Variants in TANGO6 observed in about 807,000 individuals in gnomAD.
The protein encoded by TANGO6 is transport and golgi organization 6 homolog.
A neutral mutation model predicts 114.2 loss-of-function variants in TANGO6; 90 were observed. The observed-to-expected ratio is 0.79, with a 90% confidence interval of 0.66 to 0.94. TANGO6 has a LOEUF of 0.94. TANGO6 is among the 40% of genes least tolerant of loss of function. TANGO6 has a pLI of 0.00. For synonymous variants in TANGO6, 477 were observed against 509.8 expected (o/e 0.94, Z 0.87); for missense variants, 1,274 against 1,315.3 (o/e 0.97, Z 0.49).
At chr16:68,978,122 G>C (rs1173833048) in intron 15 of TANGO6, among the ~76,000 whole-genome samples, 1 of 152,194 alleles carries the variant, frequency 6.6e-6, no homozygotes, top group East Asian at 1.9e-4. Flanking sequence ...TAGTAGGTGT[G>C]AAGGGTGTAC....
chr16:68,964,445 G>A (rs1352466001), intron 14 of TANGO6, among the ~76,000 whole-genome samples: 2 of 151,754 alleles, frequency 1.3e-5, no homozygotes, highest in Admixed American at 6.6e-5. Flanking sequence ...TTCAATGAGT[G>A]TATATTTCCC....
chr16:68,875,212 C>T lies in TANGO6; in HGVS notation c.1053C>T (p.Asp351=). The change falls in exon 5 of 18, where the codon GAC becomes GAT. Residue 351 remains aspartate, a synonymous_variant. Coordinates refer to ENST00000261778, the MANE Select transcript of TANGO6 (RefSeq NM_024562.2). ...EVTAADWKKC[D]LIAKILASCP... is the part of the protein sequence containing the mutation. ...CGGCTGCTGACTGGAAGAAGTGTGA[C>T]CTGATCGCAAAGATTTTGGCCTCTT... 11 of 1,613,680 alleles carry T rather than the reference C, an allele frequency of 6.8e-6. No homozygotes were observed. The highest frequency in any genetic ancestry group is 9.3e-6 in the Non-Finnish European group (11 of 1,179,746).
intron 14 of TANGO6, among the ~76,000 whole-genome samples, chr16:68,970,193 G>A (rs545522193): frequency 6.6e-6 from 1 of 152,146 alleles, no homozygotes. Flanking sequence ...AGTAAGAAAG[G>A]GATATTTCTC....
chr16:69,061,315 A>G (rs1488374643), intron 17 of TANGO6, among the ~76,000 whole-genome samples: 1 of 152,206 alleles, frequency 6.6e-6, no homozygotes, highest in African/African-American at 2.4e-5. Context: ...CTGTAATCCC[A>G]GCACTTTGGG....
intron 10 of TANGO6, among the ~76,000 whole-genome samples, chr16:68,908,851 TTG>T (rs745460742): frequency 1.3e-5 from 2 of 152,126 alleles, no homozygotes; most frequent in South Asian, 2.1e-4. Flanking sequence ...AACCATTTCT[TTG>T]TGTGTGTGTG....
intron 15 of TANGO6, among the ~76,000 whole-genome samples, chr16:68,991,962 A>G (rs1005383653): frequency 2.6e-5 from 4 of 152,158 alleles, no homozygotes; most frequent in African/African-American, 4.8e-5. Context: ...TGTGAATACT[A>G]TAGGCAATTC....
At chr16:69,013,125 T>C (rs1042127684) in intron 15 of TANGO6, among the ~76,000 whole-genome samples, 1 of 152,124 alleles carries the variant, frequency 6.6e-6, no homozygotes, top group Admixed American at 6.6e-5. Flanking sequence ...CACCTTTTTT[T>C]TTTTTAATAG....
At chr16:68,932,156 TCTC>T (rs752529774) in intron 14 of TANGO6, among the ~76,000 whole-genome samples, 8 of 151,964 alleles carry the variant, frequency 5.3e-5, no homozygotes, top group Non-Finnish European at 1.2e-4. Context: ...AATGGCACAA[TCTC>T]AGCTCACTGC....
chr16:68,868,144 C>CA (rs5817657), intron 4 of TANGO6, among the ~76,000 whole-genome samples: 1,978 of 108,268 alleles, frequency 0.018, 19 homozygotes, highest in Non-Finnish European at 0.027. Context: ...GACCTTGTCT[C>CA]AAAAAAAAAA....
At chr16:68,980,550 C>T (rs963543079) in intron 15 of TANGO6, among the ~76,000 whole-genome samples, 2 of 150,608 alleles carry the variant, frequency 1.3e-5, no homozygotes, top group African/African-American at 2.4e-5. Flanking sequence ...ATTATGCACA[C>T]GAGCCACTGC....
At chr16:68,914,027 G>A (rs1387611679) in intron 11 of TANGO6, among the ~76,000 whole-genome samples, 3 of 152,076 alleles carry the variant, frequency 2.0e-5, no homozygotes, top group Non-Finnish European at 4.4e-5. Context: ...TCAACAATGA[G>A]GCCTCCACCC....
intron 17 of TANGO6, among the ~76,000 whole-genome samples, chr16:69,046,430 C>T (rs1056921196): frequency 1.4e-4 from 22 of 151,906 alleles, no homozygotes; most frequent in African/African-American, 4.8e-4. Flanking sequence ...GCGATTCTTC[C>T]ACCTTAGCCT....
rs778801363 is a variant in TANGO6, at chr16:68,880,634, G to A, written c.1377+4G>A. The A allele has an allele frequency of 9.9e-5, 155 of 1,566,546 alleles. No individual in the cohort carries two copies. The Middle Eastern group carries it at 1.0e-3, about 10-fold the overall frequency. On this transcript the variant is annotated splice_donor_region_variant and intron_variant, in intron 7 of 17. Coordinates refer to ENST00000261778, the MANE Select transcript of TANGO6 (RefSeq NM_024562.2). ...ATGCATTGAGGATGTGTTTAAGGTT[G>A]GTAATCTGAGTCACTAATGTTTTTA...
intron 17 of TANGO6, among the ~76,000 whole-genome samples, chr16:69,061,788 GGC>G (rs1597076120): frequency 6.6e-6 from 1 of 152,142 alleles, no homozygotes; most frequent in Non-Finnish European, 1.5e-5. Context: ...GGGAGGCCGA[GGC>G]GGGCGGATCA....
At chr16:68,943,288 A>T in intron 14 of TANGO6, among the ~76,000 whole-genome samples, 1 of 139,086 alleles carries the variant, frequency 7.2e-6, no homozygotes. Flanking sequence ...TTATTTTTTG[A>T]GACAGGGTCT....
chr16:68,913,997 A>G (rs1032584967), intron 11 of TANGO6, among the ~76,000 whole-genome samples: 4 of 152,134 alleles, frequency 2.6e-5, no homozygotes, highest in African/African-American at 9.7e-5. Flanking sequence ...AATAGGAGGT[A>G]TAAATTGAAG....
intron 15 of TANGO6, among the ~76,000 whole-genome samples, chr16:68,980,284 A>G (rs1003273953): frequency 1.3e-5 from 2 of 150,760 alleles, no homozygotes; most frequent in South Asian, 2.1e-4. Context: ...TTTAATGTCA[A>G]TGAAGGTAAA....
intron 15 of TANGO6, among the ~76,000 whole-genome samples, chr16:68,987,201 C>T (rs993218493): frequency 6.6e-6 from 1 of 151,846 alleles, no homozygotes; most frequent in African/African-American, 2.4e-5. Context: ...AAATTCTCAT[C>T]TATGTGTGCT....
chr16:68,933,634 G>C (rs1182538115), intron 14 of TANGO6, among the ~76,000 whole-genome samples: 2 of 152,172 alleles, frequency 1.3e-5, no homozygotes, highest in Admixed American at 1.3e-4. Context: ...TCTGCTCATG[G>C]TGAGAACCAT....
Sources: gnomAD v4.1 joint callset for allele counts (sites outside exome capture counted in the v4.1 genomes callset) on GRCh38, gnomAD v4.1.1 for gene constraint, MANE v1.5 for transcripts, NCBI Gene and HGNC (gene_info 2026-07-23, HGNC 2026-07-21) for gene names.